STK17A: variants seen among roughly 807,000 people sequenced by gnomAD.
STK17A encodes serine/threonine kinase 17a, also known as serine/threonine-protein kinase 17A.
STK17A carries 26 observed loss-of-function variants against 43.7 expected under a neutral mutation model. That is an observed-to-expected ratio of 0.60 (90% CI 0.44 to 0.83). The LOEUF is 0.83. Ranked by LOEUF, STK17A falls within the 40% of genes least tolerant of loss-of-function variation. The probability of loss-of-function intolerance (pLI) is 0.00; values close to 1 mark genes in which losing one functional copy is unlikely to be tolerated. For missense variants in STK17A, 476 were observed against 511.6 expected, an observed-to-expected ratio of 0.93 and a Z score of 0.67; for synonymous variants, 191 against 182.5, an observed-to-expected ratio of 1.05 and a Z score of -0.38.
At chr7:43,619,801 C>T (rs888622709) in intron 4 of STK17A, 78 bp downstream of exon 4, 2 of 1,504,840 alleles carry the variant, frequency 1.3e-6, no homozygotes, top group South Asian at 1.3e-5. Context: ...TGGCATGACT[C>T]ATAGTGGAGC....
chr7:43,591,973 G>C lies in STK17A; in HGVS notation c.207-3928G>C, dbSNP rs1250764003. Among the ~76,000 whole-genome samples the C allele has an allele frequency of 1.3e-5, 2 of 151,538 alleles. 1 individual carries two copies. Among genetic ancestry groups the C allele is most frequent in the Admixed American group, 1.3e-4 (2 of 15,240 alleles). On this transcript the variant is annotated intron_variant, in intron 1 of 6. Transcript: ENST00000319357. ...GCTTTGAATGTCAGGTGTGGCAACA[G>C]TAAACATTTGTGTGTGTGATATGTG...
At chr7:43,620,292 G>T (rs903473792) in intron 4 of STK17A, among the ~76,000 whole-genome samples, 1 of 152,322 alleles carries the variant, frequency 6.6e-6, no homozygotes, top group Admixed American at 6.5e-5. Flanking sequence ...AGGAAAATTG[G>T]AGTTTGAAAG....
chr7:43,589,387 T>C (rs1202033210), intron 1 of STK17A, among the ~76,000 whole-genome samples: 2 of 151,468 alleles, frequency 1.3e-5, no homozygotes, highest in African/African-American at 4.8e-5. Context: ...AAACAGGACC[T>C]TGGACATTAT....
chr7:43,623,492 T>A, intron 4 of STK17A, 80 bp from the exon 5 acceptor site: 1 of 1,193,932 alleles, frequency 8.4e-7, no homozygotes, highest in Non-Finnish European at 1.2e-6. Flanking sequence ...TAGTTTCTAA[T>A]GCTTAGTTTT....
intron 2 of STK17A, among the ~76,000 whole-genome samples, chr7:43,604,498 C>G (rs1341716831): frequency 6.6e-6 from 1 of 152,188 alleles, no homozygotes; most frequent in Non-Finnish European, 1.5e-5. Flanking sequence ...ACCCTACATT[C>G]TTGGCACACT....
chr7:43,625,667 G>A lies in STK17A; in HGVS notation c.*825G>A, dbSNP rs2084434123. 1 of 152,150 alleles carries A rather than the reference G, an allele frequency of 6.6e-6. No individual in the cohort carries two copies. Among genetic ancestry groups the A allele is most frequent in the African/African-American group, 2.4e-5 (1 of 41,362 alleles). 9.4% of individuals were successfully genotyped at this position (152,150 alleles called of 1,614,324 possible). ...TTTGGCCACTTGTAGGTATCAGTGT[G>A]ATCTGATCAACACTCTGGTTACCTT... is the stretch of plus-strand genomic sequence containing the variant. On this transcript the variant is annotated 3_prime_UTR_variant, in exon 7 of 7. Coordinates refer to ENST00000319357, the MANE Select transcript of STK17A (RefSeq NM_004760.3).
At chr7:43,612,089 T>A (rs896677277) in intron 3 of STK17A, among the ~76,000 whole-genome samples, 2 of 152,250 alleles carry the variant, frequency 1.3e-5, no homozygotes, top group African/African-American at 4.8e-5. Context: ...TTCCTTTCTC[T>A]CTAATACACT....
At chr7:43,624,129 T>C (rs953815343) in intron 6 of STK17A, among the ~76,000 whole-genome samples, 4 of 152,152 alleles carry the variant, frequency 2.6e-5, no homozygotes, top group African/African-American at 9.7e-5. Context: ...CATACCTCAG[T>C]ATAACAGGAT....
At chr7:43,591,934 C>A (rs901766513) in intron 1 of STK17A, among the ~76,000 whole-genome samples, 1 of 151,486 alleles carries the variant, frequency 6.6e-6, no homozygotes, top group Admixed American at 6.6e-5. Flanking sequence ...TTACTTACTG[C>A]ACAGTACTTT....
chr7:43,623,627 G>A lies in STK17A; in HGVS notation c.740+7G>A, dbSNP rs200475612. 870 of 1,609,518 alleles carry A rather than the reference G, an allele frequency of 5.4e-4. No individual in the cohort carries two copies. Among genetic ancestry groups the A allele is most frequent in the Non-Finnish European group, 6.3e-4 (746 of 1,178,446 alleles). ...GCATGGCAACAGATATGTGGTAAGA[G>A]TTATTAATGAAAAATTGATCAAATT... On this transcript the variant is annotated splice_region_variant and intron_variant, in intron 5 of 6. Transcript: ENST00000319357.
intron 4 of STK17A, among the ~76,000 whole-genome samples, chr7:43,621,619 C>T (rs146159652): frequency 6.6e-6 from 1 of 152,210 alleles, no homozygotes; most frequent in East Asian, 1.9e-4. Flanking sequence ...AGGCACGTGC[C>T]AGCACAGCGG....
chr7:43,589,937 A>AATTTTTATTTT (rs2082468032), intron 1 of STK17A, among the ~76,000 whole-genome samples: 2 of 103,780 alleles, frequency 1.9e-5, no homozygotes, highest in Admixed American at 2.1e-4. Context: ...TTTTAATTTT[A>AATTTTTATTTT]ATTTTATTTT....
intron 1 of STK17A, among the ~76,000 whole-genome samples, chr7:43,589,064 T>G (rs2082462416): frequency 6.6e-6 from 1 of 151,460 alleles, no homozygotes; most frequent in African/African-American, 2.4e-5. Flanking sequence ...CCATTGTCAA[T>G]AAAACAGCAA....
At chr7:43,586,340 G>T (rs2082438948) in intron 1 of STK17A, among the ~76,000 whole-genome samples, 1 of 151,446 alleles carries the variant, frequency 6.6e-6, no homozygotes, top group African/African-American at 2.4e-5. Context: ...TTTTTAAATG[G>T]TCAACATTGA....
Position 43,624,659 on chromosome 7 carries a change from G to A in STK17A, c.1062G>A (p.Ser354=), listed in dbSNP as rs775315943. ...QEGHSVPEIN[S]DTDKSETKES... is the part of the protein sequence containing the mutation. ...GTCATTCTGTGCCTGAAATTAATTC[G>A]GATACCGACAAATCAGAAACCAAGG... Residue 354 remains serine, a synonymous_variant, in exon 7 of 7, where the codon TCG becomes TCA. Coordinates refer to ENST00000319357, the MANE Select transcript of STK17A (RefSeq NM_004760.3). The A allele has an allele frequency of 1.5e-5, 24 of 1,613,902 alleles. No homozygotes were observed. The highest frequency in any genetic ancestry group is 1.3e-4 in the East Asian group (6 of 44,872).
At chr7:43,618,365 C>A (rs918604915) in intron 3 of STK17A, among the ~76,000 whole-genome samples, 1 of 152,052 alleles carries the variant, frequency 6.6e-6, no homozygotes, top group African/African-American at 2.4e-5. Context: ...AAAGGCAGTA[C>A]GTGTGTAAAG....
rs1043023292 is a variant in STK17A at position 43,625,041 on chromosome 7, G to C, written c.*199G>C. ...CCAACCAGGAGATTTAACAGGTACA[G>C]TTACCCGTTTCAATGTTATTTTTAA... On this transcript the variant is annotated 3_prime_UTR_variant, in exon 7 of 7. Transcript: ENST00000319357. The C allele has an allele frequency of 3.8e-5, 16 of 425,502 alleles. No individual in the cohort carries two copies. Among genetic ancestry groups the C allele is most frequent in the African/African-American group, 3.1e-4 (15 of 49,052 alleles). 26.4% of individuals were successfully genotyped at this position (425,502 alleles called of 1,614,324 possible).
At chr7:43,591,874 T>G (rs1251243590) in intron 1 of STK17A, among the ~76,000 whole-genome samples, 1 of 151,608 alleles carries the variant, frequency 6.6e-6, no homozygotes, top group Admixed American at 6.6e-5. Context: ...TAGCTGTCTT[T>G]CCATTTGGTC....
chr7:43,606,940 T>TTTTTTTTGG (rs2082600954), intron 2 of STK17A, among the ~76,000 whole-genome samples: 1 of 139,478 alleles, frequency 7.2e-6, no homozygotes, highest in Non-Finnish European at 1.6e-5. Flanking sequence ...TTTTTTTTTT[T>TTTTTTTTGG]GAGATGGAGT....
Sources: gnomAD v4.1 joint callset for allele counts (sites outside exome capture counted in the v4.1 genomes callset) on GRCh38, gnomAD v4.1.1 for gene constraint, MANE v1.5 for transcripts, NCBI Gene and HGNC (gene_info 2026-07-23, HGNC 2026-07-21) for gene names.